The following SP100 variants were observed in gnomAD, a reference collection of about 807,000 sequenced individuals.
SP100 encodes nuclear autoantigen Sp-100.
Under a neutral mutation model 130.0 loss-of-function variants are expected in SP100, and 84 were observed. The ratio of observed to expected loss-of-function variants is 0.65; its 90% CI spans 0.54 to 0.77. The LOEUF is 0.77. SP100 is among the 30% of genes least tolerant of loss of function. The probability of loss-of-function intolerance (pLI) is 0.00; values close to 1 mark genes in which losing one functional copy is unlikely to be tolerated. For missense variants in SP100, 978 were observed against 1,052.2 expected (o/e 0.93, Z 0.97); for synonymous variants, 331 against 351.7 (o/e 0.94, Z 0.66).
At chr2:230,442,741 G>C (rs1443463950) in intron 2 of SP100, among the ~76,000 whole-genome samples, 196 bp from the exon 3 acceptor site, 1 of 152,088 alleles carries the variant, frequency 6.6e-6, no homozygotes, top group Non-Finnish European at 1.5e-5. Flanking sequence ...CTCTATATTA[G>C]TTTTTCACAA....
chr2:230,518,427 A>G (rs1691024224), intron 24 of SP100, among the ~76,000 whole-genome samples: 1 of 151,920 alleles, frequency 6.6e-6, no homozygotes, highest in Non-Finnish European at 1.5e-5. Context: ...AAAACCTAGG[A>G]AATAAGAAAT....
chr2:230,539,009 C>G (rs1559540283), intron 24 of SP100: 1 of 302,444 alleles, frequency 3.3e-6, no homozygotes, highest in Admixed American at 4.1e-5. Context: ...CAAAAAATCT[C>G]TAATTCATCC....
At chr2:230,452,236 G>C (rs2149932689) in intron 8 of SP100, among the ~76,000 whole-genome samples, 1 of 150,954 alleles carries the variant, frequency 6.6e-6, no homozygotes, top group South Asian at 2.1e-4. Context: ...GGAGTGTAAT[G>C]GTGCAATCTC....
rs1168243622 is a variant in SP100, at chr2:230,545,592, A to T, written c.*2646A>T. Reference sequence around the variant, plus strand: ...GTAAATAAATGGATCATTAAAAAAAATTTTAATAATAAAATTGTCTTATCA... The same window carrying T: ...GTAAATAAATGGATCATTAAAAAAATTTTTAATAATAAAATTGTCTTATCA... On this transcript the variant is annotated 3_prime_UTR_variant, in exon 29 of 29. Transcript: ENST00000340126. 1.3e-5 allele frequency among the ~76,000 whole-genome samples: 2 copies of T among 152,202 alleles called. No individual in the cohort carries two copies. The highest frequency in any genetic ancestry group is 1.5e-5 in the Non-Finnish European group (1 of 68,034).
intron 24 of SP100, chr2:230,537,864 G>T (rs1218428025): frequency 6.6e-6 from 1 of 152,142 alleles, no homozygotes; most frequent in Non-Finnish European, 1.5e-5. Flanking sequence ...ATTGTGTAGG[G>T]TCCATCAGAA....
chr2:230,515,710 TA>T, intron 24 of SP100: 1 of 1,529,922 alleles, frequency 6.5e-7, no homozygotes, highest in South Asian at 1.3e-5. Context: ...TCACTCCTTT[TA>T]AAGAAAAAAA....
intron 17 of SP100, among the ~76,000 whole-genome samples, chr2:230,478,014 T>C (rs1575698235): frequency 6.6e-6 from 1 of 152,146 alleles, no homozygotes; most frequent in Middle Eastern, 3.4e-3. Flanking sequence ...CTTTTATTCA[T>C]GTCTTATGTA....
chr2:230,473,216 C>A, intron 15 of SP100, 108 bp from the exon 16 acceptor site: 1 of 688,396 alleles, frequency 1.5e-6, no homozygotes, highest in South Asian at 1.8e-5. Flanking sequence ...ATGTAGAGCC[C>A]ATCCCTTAAT....
At chr2:230,495,145 T>G (rs1224959471) in intron 18 of SP100, among the ~76,000 whole-genome samples, 1 of 152,136 alleles carries the variant, frequency 6.6e-6, no homozygotes, top group Non-Finnish European at 1.5e-5. Context: ...GGCAGAGACA[T>G]GCCAGCCTTG....
chr2:230,418,737 C>T (rs909685989), intron 2 of SP100, among the ~76,000 whole-genome samples: 3 of 152,156 alleles, frequency 2.0e-5, no homozygotes, highest in Non-Finnish European at 2.9e-5. Flanking sequence ...CCTGCTGATT[C>T]GCAGTGCTAC....
chr2:230,446,108 T>C (rs1215051975), intron 4 of SP100, among the ~76,000 whole-genome samples: 1 of 152,220 alleles, frequency 6.6e-6, no homozygotes, highest in Non-Finnish European at 1.5e-5. Context: ...CTCATTTATT[T>C]TTTATTTATT....
At chr2:230,454,528 T>G (rs894496052) in intron 8 of SP100, among the ~76,000 whole-genome samples, 1 of 152,220 alleles carries the variant, frequency 6.6e-6, no homozygotes, top group Non-Finnish European at 1.5e-5. Flanking sequence ...TTTTTTCCCT[T>G]TAATTTCTTC....
At chr2:230,420,320 A>T (rs1488596687) in intron 2 of SP100, among the ~76,000 whole-genome samples, 1 of 152,184 alleles carries the variant, frequency 6.6e-6, no homozygotes, top group African/African-American at 2.4e-5. Context: ...ATCTTCAAAG[A>T]TAGTAGCAGC....
chr2:230,510,224 T>C (rs1690472363), intron 23 of SP100: 1 of 152,650 alleles, frequency 6.6e-6, no homozygotes. Flanking sequence ...ATACCCTAGG[T>C]CAAAGCAAGC....
chr2:230,449,213 TG>T, intron 6 of SP100, 63 bp downstream of exon 6: 1 of 1,514,900 alleles, frequency 6.6e-7, no homozygotes, highest in Non-Finnish European at 9.2e-7. Context: ...GAATGTGCTG[TG>T]GGGTTGCCTC....
At chr2:230,502,934 A>C in intron 19 of SP100, 132 bp from the exon 20 acceptor site, 1 of 645,064 alleles carries the variant, frequency 1.6e-6, no homozygotes, top group Non-Finnish European at 2.7e-6. Flanking sequence ...TTACAAAAAA[A>C]GTTCCCGACT....
intron 2 of SP100, among the ~76,000 whole-genome samples, chr2:230,421,338 G>C (rs1333730794): frequency 6.6e-6 from 1 of 152,132 alleles, no homozygotes; most frequent in Non-Finnish European, 1.5e-5. Flanking sequence ...GATTCCATCA[G>C]TTCTGGTTAG....
At chr2:230,532,541 A>AG (rs898285458) in intron 24 of SP100, among the ~76,000 whole-genome samples, 2 of 151,862 alleles carry the variant, frequency 1.3e-5, no homozygotes, top group Non-Finnish European at 2.9e-5. Flanking sequence ...AGTAATAAAA[A>AG]AAAAAAAGAT....
intron 26 of SP100, 96 bp from the exon 27 acceptor site, chr2:230,541,205 C>T (rs553913544): frequency 8.5e-6 from 11 of 1,288,348 alleles, no homozygotes; most frequent in East Asian, 7.0e-5. Flanking sequence ...TTCAAAGAGT[C>T]CACAGGTTTG....
Sources: allele counts gnomAD v4.1 joint callset (sites outside exome capture counted in the v4.1 genomes callset), GRCh38; gene constraint gnomAD v4.1.1; transcripts MANE v1.5; gene names NCBI Gene and HGNC (gene_info 2026-07-23, HGNC 2026-07-21).